RPL24: variants seen among roughly 807,000 people sequenced by gnomAD.
RPL24 encodes the protein large ribosomal subunit protein eL24.
RPL24 carries 7 observed loss-of-function variants against 26.4 expected under a neutral mutation model. That is an observed-to-expected ratio of 0.27 (90% confidence interval 0.15 to 0.50). The LOEUF (loss-of-function observed/expected upper bound fraction) is 0.50. Ranked by LOEUF, RPL24 falls within the 20% of genes least tolerant of loss-of-function variation. The pLI, the probability that RPL24 is intolerant of heterozygous loss-of-function variation, is 0.98. For missense variants in RPL24, 109 were observed against 194.9 expected (o/e 0.56, Z 2.62); for synonymous variants, 67 against 65.2 (o/e 1.03, Z -0.13).
In RPL24 at chr3:101,682,885, G is replaced by A. The variant is rs752772018; in HGVS notation, c.215C>T (p.Thr72Ile). The A allele has an allele frequency of 6.2e-7, 1 of 1,613,306 alleles. No individual in the cohort carries two copies. Among genetic ancestry groups the A allele is most frequent in the East Asian group, 2.2e-5 (1 of 44,830 alleles). ...CCTCTGGAATTTGACTGCTCGGCGGGTTCTTTTCTTTTGAATTTCTTCCTG... is the reference window on the plus strand; with the variant it reads ...CCTCTGGAATTTGACTGCTCGGCGGATTCTTTTCTTTTGAATTTCTTCCTG... ...GQSEEIQKKR[T>I]RRAVKFQRAI... The change falls in exon 4 of 6, where the codon ACC (threonine) becomes ATC (isoleucine). Residue 72 changes from threonine to isoleucine, a missense_variant. Transcript: ENST00000394077.
At chr3:101,682,284 T>C (rs1174000364) in intron 5 of RPL24, 145 bp downstream of exon 5, 4 of 690,738 alleles carry the variant, frequency 5.8e-6, no homozygotes, top group African/African-American at 5.4e-5. Flanking sequence ...GAGTATCACT[T>C]GAACCCGGGA....
rs1207600206 is a variant in RPL24 at position 101,682,498 on chromosome 3, G to C, written c.330-6C>G. On this transcript the variant is annotated splice_polypyrimidine_tract_variant and splice_region_variant and intron_variant, in intron 4 of 5. Coordinates refer to ENST00000394077, the MANE Select transcript of RPL24 (RefSeq NM_000986.4). ...TTTTTGCTTCCTTAGCAGCCCTGTGGGGTAAAAGTAACTTAAGGCAAAAGC... is the reference window on the plus strand; with the variant it reads ...TTTTTGCTTCCTTAGCAGCCCTGTGCGGTAAAAGTAACTTAAGGCAAAAGC... The C allele has an allele frequency of 4.3e-6, 7 of 1,610,796 alleles. No individual in the cohort carries two copies. The South Asian group carries it at 5.5e-5, about 13-fold the overall frequency.
In RPL24 at chr3:101,684,776, C is replaced by CAAAAAAAAAAAAAAAAAAAAAAAAAAAAA. The variant is rs57278210; in HGVS notation, c.192+1013_192+1041dup. Among the ~76,000 whole-genome samples, 13 of 53,210 alleles carry CAAAAAAAAAAAAAAAAAAAAAAAAAAAAA rather than the reference C, an allele frequency of 2.4e-4. 1 individual carries two copies. The highest frequency in any genetic ancestry group is 2.1e-3 in the South Asian group (2 of 956). 34.9% of individuals were successfully genotyped at this position (53,210 alleles called of 152,430 possible). A position where few individuals can be genotyped will look rare whatever the true frequency, so the allele number is the denominator to read the frequency against. On this transcript the variant is annotated intron_variant, in intron 3 of 5. Coordinates refer to ENST00000394077, the MANE Select transcript of RPL24 (RefSeq NM_000986.4). ...CTGAGCAACAGAGGACCTGTCTCCC[C>CAAAAAAAAAAAAAAAAAAAAAAAAAAAAA]AAAAAAAAAAAAAAAAAAAAAAAAA...
In RPL24 at chr3:101,686,463, A is replaced by C; in HGVS notation, c.81+19T>G. The C allele has an allele frequency of 1.2e-6, 2 of 1,611,338 alleles. No individual in the cohort carries two copies. Among genetic ancestry groups the C allele is most frequent in the Non-Finnish European group, 1.7e-6 (2 of 1,178,396 alleles). On this transcript the variant is annotated intron_variant, in intron 2 of 5. Coordinates refer to ENST00000394077, the MANE Select transcript of RPL24 (RefSeq NM_000986.4). ...CCTCGGAGTACAAGAAGGTAGGTGA[A>C]GCCGACGCGGCTTTTTACCTTCCCG...
intron 4 of RPL24, 119 bp from the exon 5 acceptor site, chr3:101,682,611 A>G (rs1233456958): frequency 1.2e-5 from 13 of 1,126,390 alleles, no homozygotes; most frequent in Non-Finnish European, 1.7e-5. Context: ...CCCTACCTCC[A>G]TTTATTTGTA....
intron 3 of RPL24, among the ~76,000 whole-genome samples, chr3:101,684,776 C>CCAAAA (rs1205904118): frequency 2.1e-4 from 11 of 53,212 alleles, no homozygotes; most frequent in South Asian, 1.0e-3. Context: ...CCTGTCTCCC[C>CCAAAA]AAAAAAAAAA....
At chr3:101,683,232 T>G (rs1337339667) in intron 3 of RPL24, among the ~76,000 whole-genome samples, 1 of 152,170 alleles carries the variant, frequency 6.6e-6, no homozygotes, top group Non-Finnish European at 1.5e-5. Context: ...ATTATCATAT[T>G]CAGCTTTTTT....
At chr3:101,684,625 A>T (rs1402536658) in intron 3 of RPL24, among the ~76,000 whole-genome samples, 1 of 151,870 alleles carries the variant, frequency 6.6e-6, no homozygotes, top group African/African-American at 2.4e-5. Flanking sequence ...CTCAAAATAT[A>T]TTTAAAAAAT....
chr3:101,686,037 T>C, intron 2 of RPL24, 109 bp from the exon 3 acceptor site: 1 of 738,846 alleles, frequency 1.4e-6, no homozygotes, highest in African/African-American at 1.7e-5. Context: ...CTTATCATTT[T>C]ACAAAACTGA....
At chr3:101,682,668 C>A in intron 4 of RPL24, 103 bp downstream of exon 4, 4 of 1,284,874 alleles carry the variant, frequency 3.1e-6, no homozygotes, top group South Asian at 1.3e-5. Flanking sequence ...ACCACCAAAT[C>A]AGCTTAACAT....
chr3:101,686,678 G>A lies in RPL24; in HGVS notation c.-2C>T, dbSNP rs1401158364. 2.5e-6 allele frequency: 4 copies of A among 1,614,128 alleles called. No individual in the cohort carries two copies. The highest frequency in any genetic ancestry group is 1.7e-5 in the Admixed American group (1 of 60,014). On this transcript the variant is annotated 5_prime_UTR_variant, in exon 1 of 6. Coordinates refer to ENST00000394077, the MANE Select transcript of RPL24 (RefSeq NM_000986.4). ...AACCACGGGTCGTGCTTACTTCATG[G>A]CGACAGCTCCACGGAAAGACAAAAG...
chr3:101,686,645 G>A (rs1228693954), intron 1 of RPL24, 27 bp downstream of exon 1: 2 of 1,614,084 alleles, frequency 1.2e-6, no homozygotes, highest in African/African-American at 1.3e-5. Context: ...GGATGTAAGC[G>A]GATTGGGAAC....
At chr3:101,681,275 C>G in intron 5 of RPL24, 60 bp from the exon 6 acceptor site, 2 of 1,098,236 alleles carry the variant, frequency 1.8e-6, no homozygotes, top group South Asian at 2.5e-5. Context: ...TATTACCCAT[C>G]TCTCACATCC....
At chr3:101,683,354 C>T (rs146625085) in intron 3 of RPL24, among the ~76,000 whole-genome samples, 2 of 152,288 alleles carry the variant, frequency 1.3e-5, no homozygotes, top group South Asian at 4.1e-4. Flanking sequence ...CTAACACTTT[C>T]TGTAGATTAC....
chr3:101,685,706 A>G, intron 3 of RPL24, 112 bp downstream of exon 3: 1 of 582,330 alleles, frequency 1.7e-6, no homozygotes, highest in Non-Finnish European at 3.1e-6. Flanking sequence ...TTTACAGTTT[A>G]AGAGCTCTTT....
At chr3:101,682,198 C>G in intron 5 of RPL24, 1 of 481,238 alleles carries the variant, frequency 2.1e-6, no homozygotes, top group South Asian at 2.3e-5. Flanking sequence ...CTTAAACAAA[C>G]AAACAAACAA....
At chr3:101,683,610 CCT>C (rs72281661) in intron 3 of RPL24, among the ~76,000 whole-genome samples, 49,985 of 151,812 alleles carry the variant, frequency 0.33, 8,759 homozygotes, top group Middle Eastern at 0.47. Context: ...GCAGTATTTA[CCT>C]GTTTAATATT....
chr3:101,683,749 C>T (rs1253481122), intron 3 of RPL24, among the ~76,000 whole-genome samples: 1 of 149,518 alleles, frequency 6.7e-6, no homozygotes, highest in African/African-American at 2.5e-5. Context: ...TGCTCTGTTG[C>T]CCAGGCTGGA....
intron 3 of RPL24, among the ~76,000 whole-genome samples, chr3:101,685,401 G>A (rs938666623): frequency 2.0e-5 from 3 of 152,076 alleles, no homozygotes; most frequent in African/African-American, 4.8e-5. Flanking sequence ...CAGCTAAAAG[G>A]ACACTTAACA....
Sources: gnomAD v4.1 joint callset for allele counts (sites outside exome capture counted in the v4.1 genomes callset) on GRCh38, gnomAD v4.1.1 for gene constraint, MANE v1.5 for transcripts, NCBI Gene and HGNC (gene_info 2026-07-23, HGNC 2026-07-21) for gene names.